The following SAC3D1 variants were observed in gnomAD, a reference collection of about 807,000 sequenced individuals.
The protein encoded by SAC3D1 is SAC3 domain-containing protein 1.
In SAC3D1, 10 loss-of-function variants were observed where a neutral mutation model predicts 12.7. The observed-to-expected ratio is 0.79, with a 90% CI of 0.49 to 1.34. SAC3D1 has a LOEUF of 1.34. Among genes scored for constraint, SAC3D1 ranks in the 40% most tolerant of loss-of-function variants. The pLI, the probability that SAC3D1 is intolerant of heterozygous loss-of-function variation, is 0.00. For synonymous variants in SAC3D1, 241 were observed against 250.8 expected, an observed-to-expected ratio of 0.96 and a Z score of 0.37; for missense variants, 482 against 531.1, an observed-to-expected ratio of 0.91 and a Z score of 0.91.
rs761922927 is a variant in SAC3D1 at position 65,044,285 on chromosome 11, C to T, written c.635C>T (p.Pro212Leu). ...CCTGCTGCCCTGCGCGCCTGCCCGC[C>T]CCTCCGCAAGGCCTTGGCGGTAGAT... is the stretch of plus-strand genomic sequence containing the variant. ...QLPAALRACP[P>L]LRKALAVDAA... Residue 212 changes from proline (P) to leucine (L), a missense_variant, in exon 2 of 2, where the codon CCC becomes CTC. By Grantham distance (98) the Pro-to-Leu change is moderately conservative (BLOSUM62 -3). Around this residue, in one of 3 missense-constraint regions of SAC3D1, gnomAD observed 225 missense variants for 241.1 expected, o/e 0.93. Coordinates refer to ENST00000652489, the MANE Select transcript of SAC3D1 (RefSeq NM_013299.4). The surrounding 1 kb of genome is among the most constrained non-coding windows in gnomAD (Gnocchi z 4.0). 3 of 1,613,192 alleles carry T rather than the reference C, an allele frequency of 1.9e-6. No individual in the cohort carries two copies. In the African/African-American group the frequency reaches 4.0e-5, roughly 22 times the overall value.
Position 65,044,541 on chromosome 11 carries a change from C to G in SAC3D1, c.891C>G (p.His297Gln). 1.2e-6 allele frequency: 2 copies of G among 1,614,188 alleles called. No individual in the cohort carries two copies. Among genetic ancestry groups the G allele is most frequent in the Non-Finnish European group, 1.7e-6 (2 of 1,180,036 alleles). Reference sequence around the variant, plus strand: ...AAGCACGGGACCTGTGCCAGGCCCACGGGCTGCCCTTGGACGGAGAGGAGA... The same window carrying G: ...AAGCACGGGACCTGTGCCAGGCCCAGGGGCTGCCCTTGGACGGAGAGGAGA... The part of the protein sequence containing the change: ...LREARDLCQA[H>Q]GLPLDGEERV... Residue 297 changes from histidine (H) to glutamine (Q), a missense_variant, in exon 2 of 2, where the codon CAC becomes CAG. Coordinates refer to ENST00000652489, the MANE Select transcript of SAC3D1 (RefSeq NM_013299.4). The surrounding 1 kb of genome is among the most constrained non-coding windows in gnomAD (Gnocchi z 4.0).
chr11:65,044,453 C>G lies in SAC3D1; in HGVS notation c.803C>G (p.Pro268Arg), dbSNP rs1946674194. The G allele has an allele frequency of 6.2e-7, 1 of 1,613,948 alleles. No individual in the cohort carries two copies. ...LARFARAFST[P>R]KGQTLPLGFM... ...CGCTTCGCTCGTGCCTTTAGCACCC[C>G]CAAGGGCCAGACCTTGCCTCTGGGC... Residue 268 changes from proline (P) to arginine (R), a missense_variant, in exon 2 of 2, where the codon CCC (proline) becomes CGC (arginine). Around this residue, in one of 3 missense-constraint regions of SAC3D1, gnomAD observed 225 missense variants for 241.1 expected, o/e 0.93. Transcript: ENST00000652489. This position sits in a 1 kb window ranked among gnomAD's most constrained non-coding sequence, Gnocchi z 4.0.
upstream of SAC3D1, chr11:65,041,197 C>CCGCCGCT (rs1426974680): frequency 1.7e-6 from 2 of 1,174,372 alleles, no homozygotes; most frequent in Non-Finnish European, 2.2e-6. Context: ...CCGCCCCGAC[C>CCGCCGCT]CGCCGCTCCC....
At chr11:65,042,095 T>C (rs1327748215) in intron 1 of SAC3D1, among the ~76,000 whole-genome samples, 5 of 147,580 alleles carry the variant, frequency 3.4e-5, no homozygotes, top group Non-Finnish European at 7.5e-5. Context: ...TTGGTCTAAA[T>C]AGTGATTTTC....
In SAC3D1 at chr11:65,044,769, A is replaced by G. The variant is rs745338658; in HGVS notation, c.*42A>G. ...TCCCAGAGCCCCAGGACTGGGCCAG[A>G]GCACTTAGGTTTCTTTTTCCATGGT... is the stretch of plus-strand genomic sequence containing the variant. On this transcript the variant is annotated 3_prime_UTR_variant, in exon 2 of 2. Coordinates refer to ENST00000652489, the MANE Select transcript of SAC3D1 (RefSeq NM_013299.4). This position sits in a 1 kb window ranked among gnomAD's most constrained non-coding sequence, Gnocchi z 4.0. 1 of 1,568,398 alleles carries G rather than the reference A, an allele frequency of 6.4e-7. No homozygotes were observed. The highest frequency in any genetic ancestry group is 8.6e-7 in the Non-Finnish European group (1 of 1,158,784).
Position 65,044,304 on chromosome 11 carries a change from G to T in SAC3D1, c.654G>T (p.Ala218=), listed in dbSNP as rs758257571. The change falls in exon 2 of 2, where the codon GCG becomes GCT. Residue 218 remains alanine (A), a synonymous_variant. Coordinates refer to ENST00000652489, the MANE Select transcript of SAC3D1 (RefSeq NM_013299.4). The surrounding 1 kb of genome is among the most constrained non-coding windows in gnomAD (Gnocchi z 4.0). The part of the protein sequence containing the change: ...RACPPLRKAL[A]VDAAFREGNA... ...GCCCGCCCCTCCGCAAGGCCTTGGC[G>T]GTAGATGCTGCCTTCCGAGAGGGCA... 1 of 1,613,346 alleles carries T rather than the reference G, an allele frequency of 6.2e-7. No homozygotes were observed. Among genetic ancestry groups the T allele is most frequent in the Admixed American group, 1.7e-5 (1 of 60,028 alleles).
intron 1 of SAC3D1, among the ~76,000 whole-genome samples, chr11:65,042,446 A>G (rs1418073805): frequency 6.6e-6 from 1 of 151,806 alleles, no homozygotes; most frequent in Non-Finnish European, 1.5e-5. Context: ...CCAAGCAAAC[A>G]AGAACACATA....
In SAC3D1 at chr11:65,044,152, G is replaced by T. The variant is rs1435346531; in HGVS notation, c.575-73G>T. The T allele has an allele frequency of 9.2e-6, 14 of 1,527,488 alleles. No individual in the cohort carries two copies. The highest frequency in any genetic ancestry group is 1.2e-5 in the Non-Finnish European group (13 of 1,121,530). The allele number at this position is 1,527,488 out of a possible 1,614,324, so 94.6% of individuals were successfully genotyped here. The stretch of plus-strand genomic sequence containing the variant: ...CGTGGTCGAGGAGAGAGGAAGGACA[G>T]GGTGTTGGGAGGGGAGATGAGCCTG... On this transcript the variant is annotated intron_variant, in intron 1 of 1. Transcript: ENST00000652489. This position sits in a 1 kb window ranked among gnomAD's most constrained non-coding sequence, Gnocchi z 4.0.
chr11:65,044,371 C>A lies in SAC3D1; in HGVS notation c.721C>A (p.Leu241Met). The change falls in exon 2 of 2, where the codon CTG (leucine) becomes ATG (methionine). Residue 241 changes from leucine (L) to methionine (M), a missense_variant. Coordinates refer to ENST00000652489, the MANE Select transcript of SAC3D1 (RefSeq NM_013299.4). This position sits in a 1 kb window ranked among gnomAD's most constrained non-coding sequence, Gnocchi z 4.0. ...LFRLLQTLPYLPSCAVQCHVG... is the reference protein window; with the variant it reads ...LFRLLQTLPYMPSCAVQCHVG... ...CCGTCTGCTCCAGACCCTGCCCTAC[C>A]TGCCAAGTTGCGCTGTGCAGTGCCA... 6.2e-7 allele frequency: 1 copy of A among 1,613,588 alleles called. No individual in the cohort carries two copies. Among genetic ancestry groups the A allele is most frequent in the Non-Finnish European group, 8.5e-7 (1 of 1,180,034 alleles).
chr11:65,042,956 C>T (rs1457900048), intron 1 of SAC3D1: 1 of 354,432 alleles, frequency 2.8e-6, no homozygotes, highest in Non-Finnish European at 5.7e-6. Context: ...CTGCCTCAGC[C>T]TTCCAAGTAG....
At chr11:65,042,208 C>CT (rs1328256329) in intron 1 of SAC3D1, among the ~76,000 whole-genome samples, 1 of 151,792 alleles carries the variant, frequency 6.6e-6, no homozygotes, top group Non-Finnish European at 1.5e-5. Context: ...AGCGATTCTT[C>CT]TGCCTCAGCC....
At chr11:65,043,615 CAAAAAAAAAAAAAAA>C (rs58109119) in intron 1 of SAC3D1, among the ~76,000 whole-genome samples, 4 of 56,198 alleles carry the variant, frequency 7.1e-5, no homozygotes, top group South Asian at 7.9e-4. Context: ...AAGTCTGTCT[CAAAAAAAAAAAAAAA>C]AAAAAAAAAA....
chr11:65,041,567 T>C lies in SAC3D1; in HGVS notation c.275T>C (p.Ile92Thr). The stretch of plus-strand genomic sequence containing the variant: ...GGTGAGGTGGCGGAGAGCGCCGACA[T>C]CGCCCGCGCCGAGGTGGCCAGCTTC... ...LAGEVAESAD[I>T]ARAEVASFVA... Residue 92 changes from isoleucine to threonine, a missense_variant, in exon 1 of 2, where the codon ATC (isoleucine) becomes ACC (threonine). This residue lies in a region of SAC3D1 where 197 missense variants were observed against 183.2 expected (regional missense o/e 1.08). Coordinates refer to ENST00000652489, the MANE Select transcript of SAC3D1 (RefSeq NM_013299.4). The C allele has an allele frequency of 6.8e-7, 1 of 1,478,652 alleles. No homozygotes were observed. Among genetic ancestry groups the C allele is most frequent in the Non-Finnish European group, 8.9e-7 (1 of 1,120,324 alleles). 91.6% of individuals were successfully genotyped at this position (1,478,652 alleles called of 1,614,324 possible).
At position 65,044,522 on chromosome 11, in the gene SAC3D1, G is replaced by A. The variant is rs78191496; in HGVS notation, c.872G>A (p.Arg291Gln). The change falls in exon 2 of 2, where the codon CGG becomes CAG. Residue 291 changes from arginine to glutamine, a missense_variant. Coordinates refer to ENST00000652489, the MANE Select transcript of SAC3D1 (RefSeq NM_013299.4). The surrounding 1 kb of genome is among the most constrained non-coding windows in gnomAD (Gnocchi z 4.0). Reference protein sequence around the residue: ...LLALDGLREARDLCQAHGLPL... With the variant: ...LLALDGLREAQDLCQAHGLPL... ...GCCCTGGATGGACTCAGGGAAGCAC[G>A]GGACCTGTGCCAGGCCCACGGGCTG... 519 of 1,614,216 alleles carry A rather than the reference G, an allele frequency of 3.2e-4. 1 individual carries two copies. The African/African-American group carries it at 3.7e-3, about 12-fold the overall frequency.
chr11:65,041,806 G>A lies in SAC3D1; in HGVS notation c.514G>A (p.Gly172Ser), dbSNP rs929272954. The change falls in exon 1 of 2, where the codon GGC (glycine) becomes AGC (serine). Residue 172 changes from glycine (G) to serine (S), a missense_variant. Coordinates refer to ENST00000652489, the MANE Select transcript of SAC3D1 (RefSeq NM_013299.4). The stretch of plus-strand genomic sequence containing the variant: ...CTCGCTGCGGCGCTGCTACGCGCGG[G>A]GCGCCGGGCCGCACCCCCGCCAACC... ...FGSLRRCYAR[G>S]AGPHPRQPAF... 57 of 1,461,052 alleles carry A rather than the reference G, an allele frequency of 3.9e-5. No homozygotes were observed. Among genetic ancestry groups the A allele is most frequent in the Non-Finnish European group, 5.0e-5 (56 of 1,112,916 alleles). The allele number at this position is 1,461,052 out of a possible 1,614,324, so 90.5% of individuals were successfully genotyped here. A position where few individuals can be genotyped will look rare whatever the true frequency, so the allele number is the denominator to read the frequency against.
Position 65,041,331 on chromosome 11 carries a change from C to T in SAC3D1, c.39C>T (p.Asp13=), listed in dbSNP as rs1460416524. ...GCELPVGTCP[D]MCPAAERAQR... is the part of the protein sequence containing the mutation. ...AGCTGCCCGTGGGCACCTGCCCGGACATGTGCCCGGCCGCCGAGCGCGCCC... is the reference window on the plus strand; with the variant it reads ...AGCTGCCCGTGGGCACCTGCCCGGATATGTGCCCGGCCGCCGAGCGCGCCC... Residue 13 remains aspartate, a synonymous_variant, in exon 1 of 2, where the codon GAC becomes GAT. Coordinates refer to ENST00000652489, the MANE Select transcript of SAC3D1 (RefSeq NM_013299.4). 2 of 1,510,678 alleles carry T rather than the reference C, an allele frequency of 1.3e-6. No homozygotes were observed. The highest frequency in any genetic ancestry group is 1.8e-6 in the Non-Finnish European group (2 of 1,136,924). 93.6% of individuals were successfully genotyped at this position (1,510,678 alleles called of 1,614,324 possible). A position where few individuals can be genotyped will look rare whatever the true frequency, so the allele number is the denominator to read the frequency against.
In SAC3D1 at chr11:65,041,391, G is replaced by A; in HGVS notation, c.99G>A (p.Glu33=). Residue 33 remains glutamate, a synonymous_variant, in exon 1 of 2, where the codon GAG becomes GAA. Coordinates refer to ENST00000652489, the MANE Select transcript of SAC3D1 (RefSeq NM_013299.4). ...GGGAGCACCGCCTGCACCGCTTGGA[G>A]GTGGTGCCGGGTTGCCGCCAGGACC... ...REREHRLHRL[E]VVPGCRQDPP... 1 of 1,507,640 alleles carries A rather than the reference G, an allele frequency of 6.6e-7. No individual in the cohort carries two copies. The highest frequency in any genetic ancestry group is 1.2e-5 in the South Asian group (1 of 81,036). 93.4% of individuals were successfully genotyped at this position (1,507,640 alleles called of 1,614,324 possible).
In SAC3D1 at chr11:65,041,505, G is replaced by A. The variant is rs1171362950; in HGVS notation, c.213G>A (p.Pro71=). ...GGCCCCCGCCCAGCCAGTTGCGTCC[G>A]CCCTCCGTGCTGCTGGCCACCGTGC... is the stretch of plus-strand genomic sequence containing the variant. ...KPRPPPSQLR[P]PSVLLATVRY... is the part of the protein sequence containing the mutation. Residue 71 remains proline (P), a synonymous_variant, in exon 1 of 2, where the codon CCG becomes CCA. Transcript: ENST00000652489. The A allele has an allele frequency of 1.4e-6, 2 of 1,465,402 alleles. No homozygotes were observed. The highest frequency in any genetic ancestry group is 2.5e-5 in the Admixed American group (1 of 40,404). 90.8% of individuals were successfully genotyped at this position (1,465,402 alleles called of 1,614,324 possible).
Position 65,044,330 on chromosome 11 carries a change from A to G in SAC3D1, c.680A>G (p.Asn227Ser), listed in dbSNP as rs370175180. ...GTAGATGCTGCCTTCCGAGAGGGCA[A>G]TGCTGCCCGCCTGTTCCGTCTGCTC... ...LAVDAAFREG[N>S]AARLFRLLQT... The change falls in exon 2 of 2, where the codon AAT becomes AGT. Residue 227 changes from asparagine (N) to serine (S), a missense_variant. Asn to Ser is a conservative substitution (Grantham distance 46). Around this residue, in one of 3 missense-constraint regions of SAC3D1, gnomAD observed 225 missense variants for 241.1 expected, o/e 0.93. Transcript: ENST00000652489. This position sits in a 1 kb window ranked among gnomAD's most constrained non-coding sequence, Gnocchi z 4.0. The G allele has an allele frequency of 1.3e-5, 21 of 1,613,334 alleles. No individual in the cohort carries two copies. The highest frequency in any genetic ancestry group is 1.1e-4 in the African/African-American group (8 of 75,048).
Sources: gnomAD v4.1 joint callset for allele counts (sites outside exome capture counted in the v4.1 genomes callset) on GRCh38, gnomAD v4.1.1 for gene constraint, gnomAD v4.1.1 regional missense constraint, Gnocchi (gnomAD v3.1) non-coding constraint, MANE v1.5 for transcripts, NCBI Gene and HGNC (gene_info 2026-07-23, HGNC 2026-07-21) for gene names.